MMP26: variants seen among roughly 807,000 people sequenced by gnomAD.
MMP26 encodes matrix metalloproteinase-26.
MMP26 carries 33 observed loss-of-function variants against 31.0 expected under a neutral mutation model. The observed-to-expected ratio is 1.06, with a 90% CI of 0.81 to 1.42. MMP26 has a LOEUF of 1.42. Among genes scored for constraint, MMP26 ranks in the 40% most tolerant of loss-of-function variants. The probability of loss-of-function intolerance (pLI) is 0.00; values close to 1 mark genes in which losing one functional copy is unlikely to be tolerated. For missense variants in MMP26, 347 were observed against 316.1 expected, an observed-to-expected ratio of 1.10 and a Z score of -0.74; for synonymous variants, 122 against 114.9, an observed-to-expected ratio of 1.06 and a Z score of -0.40.
In MMP26 at chr11:4,706,591, AAAAAAAAAGAC is replaced by A. The variant is rs1333430506; in HGVS notation, c.-217+1548_-217+1558del. Among the ~76,000 whole-genome samples the A allele has an allele frequency of 9.0e-5, 12 of 133,540 alleles. No homozygotes were observed. The East Asian group carries it at 1.3e-3, about 14-fold the overall frequency. The allele number at this position is 133,540 out of a possible 152,430, so 87.6% of individuals were successfully genotyped here. Reference sequence around the variant, plus strand: ...AGACCCTATCTCAAAAAAAAAAAAAAAAAAAAAAGACAGAAAGAAAGAAAGAAAGAAAAGAA... The same window carrying A: ...AGACCCTATCTCAAAAAAAAAAAAAAAGAAAGAAAGAAAGAAAGAAAAGAA... On this transcript the variant is annotated intron_variant, in intron 1 of 7. Coordinates refer to ENST00000380390, the MANE Select transcript of MMP26 (RefSeq NM_021801.5).
At chr11:4,884,684 C>T (rs1850525125) in intron 2 of MMP26, among the ~76,000 whole-genome samples, 1 of 151,736 alleles carries the variant, frequency 6.6e-6, no homozygotes. Flanking sequence ...CTTTTGAAGA[C>T]TTTTCTAAAA....
chr11:4,755,555 A>T (rs553716726), intron 1 of MMP26, among the ~76,000 whole-genome samples: 1 of 152,186 alleles, frequency 6.6e-6, no homozygotes, highest in East Asian at 1.9e-4. Context: ...TAGGGGTGGC[A>T]CTGGTAGAGA....
intron 2 of MMP26, chr11:4,903,687 C>T (rs1423123436): frequency 6.6e-6 from 1 of 152,058 alleles, no homozygotes; most frequent in Non-Finnish European, 1.5e-5. Context: ...TGATTACTCT[C>T]AAGGGTCTAG....
intron 2 of MMP26, among the ~76,000 whole-genome samples, chr11:4,778,406 T>C (rs34885098): frequency 0.089 from 13,600 of 152,080 alleles, 813 homozygotes; most frequent in Middle Eastern, 0.15. Context: ...TCTCTTGTTA[T>C]TGCATTGTGA....
chr11:4,927,391 G>A (rs927756456), intron 2 of MMP26, among the ~76,000 whole-genome samples: 6 of 152,120 alleles, frequency 3.9e-5, no homozygotes, highest in African/African-American at 1.2e-4. Context: ...ATGACAGGCA[G>A]CAAGGAATAA....
intron 2 of MMP26, chr11:4,924,370 A>G: frequency 6.4e-7 from 1 of 1,552,626 alleles, no homozygotes; most frequent in Non-Finnish European, 8.7e-7. Context: ...AGAAACCTGG[A>G]ATATAGAATG....
At chr11:4,810,741 T>G (rs1049888905) in intron 2 of MMP26, among the ~76,000 whole-genome samples, 1 of 152,218 alleles carries the variant, frequency 6.6e-6, no homozygotes, top group African/African-American at 2.4e-5. Flanking sequence ...TCTGAAACTT[T>G]GTTAGGCCGG....
chr11:4,991,318 G>T, intron 5 of MMP26, 53 bp from the exon 6 acceptor site: 1 of 1,578,890 alleles, frequency 6.3e-7, no homozygotes, highest in Non-Finnish European at 8.6e-7. Context: ...GACTATTCTG[G>T]CCTTTGTTTC....
chr11:4,803,557 A>T (rs1046983902), intron 2 of MMP26: 2 of 1,613,918 alleles, frequency 1.2e-6, no homozygotes, highest in Non-Finnish European at 1.7e-6. Flanking sequence ...CAGGATGTGT[A>T]CAACTCGGGG....
At chr11:4,713,973 G>A (rs978464854) in intron 1 of MMP26, among the ~76,000 whole-genome samples, 2 of 152,064 alleles carry the variant, frequency 1.3e-5, no homozygotes, top group Non-Finnish European at 2.9e-5. Flanking sequence ...TCATACTCTG[G>A]GGGCTGCAGA....
intron 2 of MMP26, among the ~76,000 whole-genome samples, chr11:4,985,076 C>A (rs1846866660): frequency 6.6e-6 from 1 of 152,030 alleles, no homozygotes; most frequent in Non-Finnish European, 1.5e-5. Context: ...TGTATTCAGG[C>A]CATAGAAACA....
chr11:4,981,493 A>G (rs1846812994), intron 2 of MMP26, among the ~76,000 whole-genome samples: 2 of 152,138 alleles, frequency 1.3e-5, no homozygotes, highest in Non-Finnish European at 2.9e-5. Context: ...AACACAACAT[A>G]AAAGATTAAA....
intron 2 of MMP26, among the ~76,000 whole-genome samples, chr11:4,776,097 T>G (rs1301649951): frequency 1.3e-5 from 2 of 152,130 alleles, no homozygotes; most frequent in African/African-American, 4.8e-5. Flanking sequence ...GCCTCCAGTT[T>G]CATCCATTTT....
At chr11:4,978,072 G>A (rs78099762) in intron 2 of MMP26, among the ~76,000 whole-genome samples, 270 of 152,112 alleles carry the variant, frequency 1.8e-3, no homozygotes, top group African/African-American at 6.0e-3. Flanking sequence ...GAGCTCTTCC[G>A]CCTTCACTTT....
intron 2 of MMP26, among the ~76,000 whole-genome samples, chr11:4,965,694 T>G (rs561718266): frequency 1.3e-5 from 2 of 152,196 alleles, no homozygotes; most frequent in South Asian, 4.1e-4. Context: ...GGGGAATTTG[T>G]TCTTTCGTTG....
intron 2 of MMP26, among the ~76,000 whole-genome samples, chr11:4,778,294 T>A (rs773838664): frequency 7.2e-5 from 11 of 152,140 alleles, no homozygotes; most frequent in Non-Finnish European, 1.2e-4. Context: ...TTTGCCTATT[T>A]TCCATTGAGT....
intron 2 of MMP26, chr11:4,907,911 A>C (rs759655996): frequency 6.2e-7 from 1 of 1,614,120 alleles, no homozygotes. Flanking sequence ...TACTGTCTTC[A>C]TCAGGATACC....
At chr11:4,940,479 A>G (rs1392694434) in intron 2 of MMP26, among the ~76,000 whole-genome samples, 1 of 152,174 alleles carries the variant, frequency 6.6e-6, no homozygotes, top group Non-Finnish European at 1.5e-5. Context: ...AAAAAGTAGG[A>G]TTTTGTCTTA....
chr11:4,869,630 C>G (rs1203415866), intron 2 of MMP26, among the ~76,000 whole-genome samples: 1 of 152,136 alleles, frequency 6.6e-6, no homozygotes, highest in Non-Finnish European at 1.5e-5. Flanking sequence ...GGACTGTAAA[C>G]TGGTTCAACC....
Sources: allele counts gnomAD v4.1 joint callset (sites outside exome capture counted in the v4.1 genomes callset), GRCh38; gene constraint gnomAD v4.1.1; transcripts MANE v1.5; gene names NCBI Gene and HGNC (gene_info 2026-07-23, HGNC 2026-07-21).